Variants in EFNA5 observed in about 807,000 individuals in gnomAD.
EFNA5 encodes ephrin-A5.
In EFNA5, 5 loss-of-function variants were observed where a neutral mutation model predicts 22.9. The observed-to-expected ratio is 0.22, with a 90% CI of 0.11 to 0.46. The LOEUF (loss-of-function observed/expected upper bound fraction) is 0.46. EFNA5 is among the 20% of genes least tolerant of loss of function. The pLI, the probability that EFNA5 is intolerant of heterozygous loss-of-function variation, is 0.99. For synonymous variants in EFNA5, 113 were observed against 112.2 expected, an observed-to-expected ratio of 1.01 and a Z score of -0.04; for missense variants, 237 against 293.3, an observed-to-expected ratio of 0.81 and a Z score of 1.40.
chr5:107,607,133 C>T (rs1173945902), intron 1 of EFNA5, among the ~76,000 whole-genome samples: 1 of 152,154 alleles, frequency 6.6e-6, no homozygotes, highest in Admixed American at 6.5e-5. Flanking sequence ...AAAAATCTGC[C>T]ACTGCAGTGA....
chr5:107,424,198 ATTTTTTT>A (rs70996959), intron 2 of EFNA5, among the ~76,000 whole-genome samples: 5 of 95,706 alleles, frequency 5.2e-5, no homozygotes, highest in African/African-American at 9.8e-5. Flanking sequence ...TCTTTCTTTC[ATTTTTTT>A]TTTTTTTTTT....
intron 1 of EFNA5, among the ~76,000 whole-genome samples, chr5:107,569,676 C>T (rs1212124091): frequency 6.9e-6 from 1 of 144,046 alleles, no homozygotes; most frequent in African/African-American, 2.5e-5. Context: ...ATGGTAAAAC[C>T]CCATCTCTAC....
At chr5:107,661,752 T>C (rs554436176) in intron 1 of EFNA5, among the ~76,000 whole-genome samples, 3 of 152,354 alleles carry the variant, frequency 2.0e-5, no homozygotes, top group Non-Finnish European at 2.9e-5. Flanking sequence ...CTATACATTA[T>C]TGAGTTCAGT....
chr5:107,510,653 T>C (rs1399764293), intron 1 of EFNA5, among the ~76,000 whole-genome samples: 1 of 152,218 alleles, frequency 6.6e-6, no homozygotes, highest in Admixed American at 6.5e-5. Flanking sequence ...TTTTCTTGAA[T>C]ATATGAGTAA....
At chr5:107,510,747 T>C (rs990817209) in intron 1 of EFNA5, among the ~76,000 whole-genome samples, 49 of 152,298 alleles carry the variant, frequency 3.2e-4, no homozygotes, top group African/African-American at 1.2e-3. Flanking sequence ...TCTTTTTTTA[T>C]AAACCTCCTG....
intron 1 of EFNA5, among the ~76,000 whole-genome samples, chr5:107,428,664 T>C (rs1748867196): frequency 6.6e-6 from 1 of 152,196 alleles, no homozygotes; most frequent in Non-Finnish European, 1.5e-5. Flanking sequence ...AATTTCATCA[T>C]AAAATTGTGT....
At chr5:107,592,793 AC>A (rs1312723023) in intron 1 of EFNA5, among the ~76,000 whole-genome samples, 4 of 152,114 alleles carry the variant, frequency 2.6e-5, no homozygotes, top group Non-Finnish European at 5.9e-5. Flanking sequence ...GAAATCTGTG[AC>A]TGGGAGTAAG....
chr5:107,414,087 T>C (rs1748443658), intron 2 of EFNA5, among the ~76,000 whole-genome samples: 1 of 152,192 alleles, frequency 6.6e-6, no homozygotes, highest in Admixed American at 6.5e-5. Context: ...TCTCGAAGTG[T>C]GGTACAACTT....
rs79235498 is a variant in EFNA5, at chr5:107,588,204, T to C, written c.125+82285A>G. Among the ~76,000 whole-genome samples, 599 of 152,040 alleles carry C rather than the reference T, an allele frequency of 3.9e-3. 9 individuals carry two copies. Among genetic ancestry groups the C allele is most frequent in the African/African-American group, 0.013 (557 of 41,408 alleles). On this transcript the variant is annotated intron_variant, in intron 1 of 4. Transcript: ENST00000333274. Reference sequence around the variant, plus strand: ...TTGCTGCTTATGTTGTCTGAATTAGTCTTGAAAATAACCAGATATTATTTT... The same window carrying C: ...TTGCTGCTTATGTTGTCTGAATTAGCCTTGAAAATAACCAGATATTATTTT...
At chr5:107,421,310 A>T (rs1439493893) in intron 2 of EFNA5, among the ~76,000 whole-genome samples, 1 of 152,208 alleles carries the variant, frequency 6.6e-6, no homozygotes, top group Non-Finnish European at 1.5e-5. Context: ...CCTAGTAATA[A>T]CTCAGATATA....
chr5:107,422,031 T>A (rs2112415210), intron 2 of EFNA5, among the ~76,000 whole-genome samples: 1 of 152,316 alleles, frequency 6.6e-6, no homozygotes, highest in East Asian at 1.9e-4. Context: ...CCTCAGGTGA[T>A]CCACTTGCCT....
rs530349498 is a variant in EFNA5, at chr5:107,605,600, C to T, written c.125+64889G>A. ...ACCCCGACAATTTCACCTTCAAACT[C>T]TCAACCCAAAATTTCAATATGGTTC... On this transcript the variant is annotated intron_variant, in intron 1 of 4. Transcript: ENST00000333274. Among the ~76,000 whole-genome samples, 179 of 151,586 alleles carry T rather than the reference C, an allele frequency of 1.2e-3. 1 individual carries two copies. The highest frequency in any genetic ancestry group is 4.2e-3 in the African/African-American group (172 of 41,282).
chr5:107,560,894 A>T (rs1003500389), intron 1 of EFNA5, among the ~76,000 whole-genome samples: 1 of 152,236 alleles, frequency 6.6e-6, no homozygotes, highest in Non-Finnish European at 1.5e-5. Flanking sequence ...AGGATCCAGA[A>T]CTAAGCCCTA....
At chr5:107,558,258 T>C (rs1252551236) in intron 1 of EFNA5, among the ~76,000 whole-genome samples, 1 of 151,824 alleles carries the variant, frequency 6.6e-6, no homozygotes, top group African/African-American at 2.4e-5. Flanking sequence ...GCCACACAGA[T>C]TATACTGTTT....
At chr5:107,507,328 G>GT (rs1403409467) in intron 1 of EFNA5, among the ~76,000 whole-genome samples, 1 of 152,130 alleles carries the variant, frequency 6.6e-6, no homozygotes, top group African/African-American at 2.4e-5. Context: ...TGCCTCTGCT[G>GT]TTTTTCATAA....
intron 1 of EFNA5, among the ~76,000 whole-genome samples, chr5:107,661,338 T>C (rs1750955688): frequency 1.3e-5 from 2 of 152,186 alleles, no homozygotes; most frequent in Non-Finnish European, 2.9e-5. Flanking sequence ...AGAAACATTT[T>C]CATAAATGGT....
chr5:107,451,939 G>C (rs1381134790), intron 1 of EFNA5, among the ~76,000 whole-genome samples: 1 of 152,100 alleles, frequency 6.6e-6, no homozygotes, highest in African/African-American at 2.4e-5. Context: ...GTTTATTGTA[G>C]TACTATTTAC....
chr5:107,591,146 T>C (rs1749316727), intron 1 of EFNA5, among the ~76,000 whole-genome samples: 1 of 152,150 alleles, frequency 6.6e-6, no homozygotes, highest in Non-Finnish European at 1.5e-5. Flanking sequence ...GCAGGGGAGC[T>C]ACAAAGATCA....
At chr5:107,575,214 T>C (rs1580538417) in intron 1 of EFNA5, among the ~76,000 whole-genome samples, 2 of 152,334 alleles carry the variant, frequency 1.3e-5, no homozygotes, top group East Asian at 3.9e-4. Context: ...AAGAAATTAT[T>C]CCACCAACAG....
Sources: gnomAD v4.1 joint callset for allele counts (sites outside exome capture counted in the v4.1 genomes callset) on GRCh38, gnomAD v4.1.1 for gene constraint, MANE v1.5 for transcripts, NCBI Gene and HGNC (gene_info 2026-07-23, HGNC 2026-07-21) for gene names.